COL4A1: variants seen among roughly 807,000 people sequenced by gnomAD.
COL4A1 encodes the protein collagen alpha-1(IV) chain.
Under a neutral mutation model 216.6 loss-of-function variants are expected in COL4A1, and 40 were observed. The observed-to-expected ratio is 0.18, with a 90% CI of 0.14 to 0.24. COL4A1 has a LOEUF of 0.24. Ranked by LOEUF, COL4A1 falls within the 10% of genes least tolerant of loss-of-function variation. COL4A1 has a pLI of 1.00. For missense variants in COL4A1, 1,628 were observed against 2,196.8 expected (o/e 0.74, Z 5.18); for synonymous variants, 839 against 810.7 (o/e 1.03, Z -0.59).
chr13:110,232,573 T>A (rs6492247), intron 2 of COL4A1, among the ~76,000 whole-genome samples: 2 of 152,182 alleles, frequency 1.3e-5, no homozygotes, highest in South Asian at 4.1e-4. Flanking sequence ...TTTGCTCCCC[T>A]GAAAAGAAAG....
intron 33 of COL4A1, among the ~76,000 whole-genome samples, chr13:110,177,261 A>G (rs2139163359): frequency 6.6e-6 from 1 of 152,336 alleles, no homozygotes; most frequent in East Asian, 1.9e-4. Context: ...ATTCGCTAAT[A>G]ACTCTACTGC....
At chr13:110,235,506 C>G (rs1566400694) in intron 2 of COL4A1, among the ~76,000 whole-genome samples, 1 of 151,930 alleles carries the variant, frequency 6.6e-6, no homozygotes, top group African/African-American at 2.4e-5. Context: ...AAAAAATTAG[C>G]CTGGCATGGT....
intron 2 of COL4A1, 109 bp from the exon 3 acceptor site, chr13:110,214,124 C>T (rs1297506985): frequency 5.7e-6 from 5 of 876,148 alleles, no homozygotes; most frequent in Non-Finnish European, 9.4e-6. Context: ...GATGGAGTCT[C>T]ATTCTGTTGC....
In COL4A1 at chr13:110,179,403, G is replaced by A; in HGVS notation, c.2212C>T (p.Leu738=). The change falls in exon 30 of 52, where the codon CTA becomes TTA. Residue 738 remains leucine (L), a synonymous_variant. Transcript: ENST00000375820. ...CCTGGCAAACCTTTGAGTCCCGGTA[G>A]ACCAACTCCAGGCTCTCCCTGAAAA... ...QGQKGEPGVG[L]PGLKGLPGLP... is the part of the protein sequence containing the mutation. 1 of 1,614,110 alleles carries A rather than the reference G, an allele frequency of 6.2e-7. No individual in the cohort carries two copies. Among genetic ancestry groups the A allele is most frequent in the Non-Finnish European group, 8.5e-7 (1 of 1,180,028 alleles).
At chr13:110,216,694 A>G (rs1012964492) in intron 2 of COL4A1, among the ~76,000 whole-genome samples, 1 of 152,224 alleles carries the variant, frequency 6.6e-6, no homozygotes, top group Admixed American at 6.5e-5. Flanking sequence ...AATAGAAATG[A>G]GGTCAGCCTC....
At chr13:110,272,932 G>T (rs1883298399) in intron 1 of COL4A1, among the ~76,000 whole-genome samples, 1 of 152,330 alleles carries the variant, frequency 6.6e-6, no homozygotes. Flanking sequence ...TCGCTCCTCT[G>T]TGCCAGATAT....
At chr13:110,186,287 T>C (rs2139173034) in intron 26 of COL4A1, 98 bp downstream of exon 26, 2 of 1,460,224 alleles carry the variant, frequency 1.4e-6, no homozygotes, top group Non-Finnish European at 9.6e-7. Flanking sequence ...GTGTGCGCCC[T>C]GGCCTATGCG....
chr13:110,254,564 T>C (rs1230940308), intron 1 of COL4A1, among the ~76,000 whole-genome samples: 1 of 152,182 alleles, frequency 6.6e-6, no homozygotes, highest in African/African-American at 2.4e-5. Context: ...TAGTGAAATA[T>C]TTCAAGCATG....
Position 110,150,453 on chromosome 13 carries a change from C to A in COL4A1, c.4929-9G>T. 2 of 1,613,656 alleles carry A rather than the reference C, an allele frequency of 1.2e-6. No individual in the cohort carries two copies. Among genetic ancestry groups the A allele is most frequent in the Non-Finnish European group, 1.7e-6 (2 of 1,179,746 alleles). Reference sequence around the variant, plus strand: ...TGGACGGCGTAGGCTTCCTAAAACACGACACAGAGACAGACCATTGGCCAT... The same window carrying A: ...TGGACGGCGTAGGCTTCCTAAAACAAGACACAGAGACAGACCATTGGCCAT... On this transcript the variant is annotated splice_polypyrimidine_tract_variant and intron_variant, in intron 51 of 51. Coordinates refer to ENST00000375820, the MANE Select transcript of COL4A1 (RefSeq NM_001845.6).
intron 2 of COL4A1, among the ~76,000 whole-genome samples, chr13:110,239,608 A>G (rs1881467690): frequency 6.6e-6 from 1 of 152,230 alleles, no homozygotes; most frequent in African/African-American, 2.4e-5. Context: ...CAGACTAGTG[A>G]TCTAAACCAG....
At chr13:110,172,387 A>T (rs929770537) in intron 41 of COL4A1, among the ~76,000 whole-genome samples, 1 of 152,222 alleles carries the variant, frequency 6.6e-6, no homozygotes, top group Non-Finnish European at 1.5e-5. Context: ...ACATAAGTAT[A>T]ACCAGTTCTA....
chr13:110,181,425 C>T (rs1255540636), intron 28 of COL4A1, 36 bp from the exon 29 acceptor site: 1 of 1,540,336 alleles, frequency 6.5e-7, no homozygotes, highest in Admixed American at 1.7e-5. Context: ...AACAAACAAA[C>T]AATCATTGCG....
chr13:110,271,290 A>T (rs1373579215), intron 1 of COL4A1, among the ~76,000 whole-genome samples: 6 of 152,226 alleles, frequency 3.9e-5, no homozygotes, highest in African/African-American at 1.4e-4. Flanking sequence ...GTGCAAAGTA[A>T]GAGGAGAAGC....
chr13:110,298,744 T>C (rs1884375524), intron 1 of COL4A1: 1 of 152,286 alleles, frequency 6.6e-6, no homozygotes, highest in South Asian at 2.1e-4. Context: ...CAGCGCCCGC[T>C]GACTGGCTCT....
At chr13:110,264,484 A>G (rs1882948321) in intron 1 of COL4A1, among the ~76,000 whole-genome samples, 1 of 152,188 alleles carries the variant, frequency 6.6e-6, no homozygotes, top group South Asian at 2.1e-4. Flanking sequence ...CGGTAGAAAG[A>G]TAAGGGAAAA....
chr13:110,159,509 TA>T, intron 49 of COL4A1, among the ~76,000 whole-genome samples: 1 of 152,290 alleles, frequency 6.6e-6, no homozygotes, highest in South Asian at 2.1e-4. Flanking sequence ...GGCAGGAATG[TA>T]AAGGGTGTGG....
Position 110,206,898 on chromosome 13 carries a change from G to T in COL4A1, c.781-7C>A. The T allele has an allele frequency of 6.2e-7, 1 of 1,613,374 alleles. No homozygotes were observed. The highest frequency in any genetic ancestry group is 8.5e-7 in the Non-Finnish European group (1 of 1,179,878). ...CAGGTTCACCTTTTTGGCCCTGAAA[G>T]AATTCGAGAGACAGATCAGCACTAT... On this transcript the variant is annotated splice_region_variant and splice_polypyrimidine_tract_variant and intron_variant, in intron 13 of 51. Coordinates refer to ENST00000375820, the MANE Select transcript of COL4A1 (RefSeq NM_001845.6).
Position 110,211,995 on chromosome 13 carries a change from C to T in COL4A1, c.388-73G>A. 7.2e-7 allele frequency: 1 copy of T among 1,385,892 alleles called. No individual in the cohort carries two copies. Among genetic ancestry groups the T allele is most frequent in the Middle Eastern group, 1.8e-4 (1 of 5,658 alleles). 85.8% of individuals were successfully genotyped at this position (1,385,892 alleles called of 1,614,324 possible). A position where few individuals can be genotyped will look rare whatever the true frequency, so the allele number is the denominator to read the frequency against. On this transcript the variant is annotated intron_variant, in intron 6 of 51. Transcript: ENST00000375820. The surrounding 1 kb of genome is among the most constrained non-coding windows in gnomAD (Gnocchi z 4.3). ...ACATCAGCCCTGACATCGCATGCAT[C>T]ACTCTGCCCTACCCTTCATTTGTTG...
intron 1 of COL4A1, among the ~76,000 whole-genome samples, chr13:110,253,302 T>TTAGG (rs1308323129): frequency 1.3e-3 from 51 of 40,648 alleles, no homozygotes; most frequent in Non-Finnish European, 2.6e-3. Context: ...ATACATATAA[T>TTAGG]TATATGTATT....
Sources: allele counts gnomAD v4.1 joint callset (sites outside exome capture counted in the v4.1 genomes callset), GRCh38; gene constraint gnomAD v4.1.1; non-coding constraint Gnocchi (gnomAD v3.1); transcripts MANE v1.5; gene names NCBI Gene and HGNC (gene_info 2026-07-23, HGNC 2026-07-21).